Variants in TANC2 observed in about 807,000 individuals in gnomAD.
TANC2 encodes tetratricopeptide repeat, ankyrin repeat and coiled-coil containing 2.
TANC2 carries 26 observed loss-of-function variants against 210.5 expected under a neutral mutation model. The observed-to-expected ratio is 0.12, with a 90% confidence interval of 0.09 to 0.17. The LOEUF (loss-of-function observed/expected upper bound fraction) is 0.17, where lower values mean the gene tolerates loss of function less well. Ranked by LOEUF, TANC2 falls within the 10% of genes least tolerant of loss-of-function variation. The probability of loss-of-function intolerance (pLI) is 1.00; values close to 1 mark genes in which losing one functional copy is unlikely to be tolerated. For missense variants in TANC2, 2,129 were observed against 2,608.9 expected, an observed-to-expected ratio of 0.82 and a Z score of 4.01; for synonymous variants, 931 against 967.1, an observed-to-expected ratio of 0.96 and a Z score of 0.69.
intron 4 of TANC2, among the ~76,000 whole-genome samples, chr17:63,112,647 G>T (rs1567732168): frequency 6.6e-6 from 1 of 152,176 alleles, no homozygotes; most frequent in Non-Finnish European, 1.5e-5. Flanking sequence ...TTCTTCATAT[G>T]TACAGTGAAG....
rs985016506 is a variant in TANC2, at chr17:63,105,957, G to T, written c.322+6600G>T. On this transcript the variant is annotated intron_variant, in intron 4 of 27. Coordinates refer to ENST00000689528, the Ensembl canonical transcript of TANC2. ...TAACTGTTAGAGACCACATGTTTTT[G>T]TAAGGTTAAATGAGGAAATATATAC... Among the ~76,000 whole-genome samples the T allele has an allele frequency of 8.6e-5, 13 of 151,712 alleles. 1 individual carries two copies. The highest frequency in any genetic ancestry group is 5.9e-5 in the Non-Finnish European group (4 of 67,988).
intron 9 of TANC2, among the ~76,000 whole-genome samples, chr17:63,274,454 C>G (rs1313631032): frequency 6.6e-6 from 1 of 152,086 alleles, no homozygotes; most frequent in Non-Finnish European, 1.5e-5. Context: ...TTTCTAGTCC[C>G]AAAGCCTAAT....
chr17:63,245,617 C>T (rs764314658), intron 8 of TANC2, among the ~76,000 whole-genome samples: 6 of 151,636 alleles, frequency 4.0e-5, no homozygotes, highest in Admixed American at 2.6e-4. Context: ...CTGAGGCAGA[C>T]GAATCACGAG....
At chr17:63,110,447 A>G (rs1385316936) in intron 4 of TANC2, among the ~76,000 whole-genome samples, 8 of 151,710 alleles carry the variant, frequency 5.3e-5, no homozygotes, top group African/African-American at 1.7e-4. Flanking sequence ...AACCTCTGGG[A>G]CTGGGTAATT....
intron 2 of TANC2, among the ~76,000 whole-genome samples, chr17:63,059,611 A>T (rs185402150): frequency 0.021 from 3,074 of 148,092 alleles, 42 homozygotes; most frequent in South Asian, 0.038. Context: ...TCAAAGCTTG[A>T]TTTTTTTTTT....
At chr17:62,974,363 T>C (rs1257054337) in intron 1 of TANC2, among the ~76,000 whole-genome samples, 1 of 152,208 alleles carries the variant, frequency 6.6e-6, no homozygotes, top group Non-Finnish European at 1.5e-5. Context: ...TTTTCTTCGC[T>C]CACATCTCAG....
intron 14 of TANC2, among the ~76,000 whole-genome samples, chr17:63,379,244 G>A (rs541342904): frequency 1.9e-4 from 29 of 152,302 alleles, no homozygotes; most frequent in African/African-American, 6.7e-4. Context: ...ATAAGGAACT[G>A]CCTAGGAACC....
intron 3 of TANC2, among the ~76,000 whole-genome samples, chr17:63,097,572 A>T (rs894628488): frequency 7.1e-6 from 1 of 140,020 alleles, no homozygotes; most frequent in Admixed American, 7.0e-5. Context: ...AGCTTTAAAA[A>T]ATTGCAAAAA....
At chr17:63,001,447 A>G (rs1027075517) in intron 1 of TANC2, among the ~76,000 whole-genome samples, 2 of 151,800 alleles carry the variant, frequency 1.3e-5, no homozygotes, top group Non-Finnish European at 2.9e-5. Flanking sequence ...CATTCAAGAA[A>G]TGTTGAGAGC....
intron 1 of TANC2, among the ~76,000 whole-genome samples, chr17:62,996,260 A>AT (rs1355313418): frequency 3.9e-5 from 6 of 152,220 alleles, no homozygotes; most frequent in Non-Finnish European, 5.9e-5. Flanking sequence ...CCGTACTTCT[A>AT]TATTTGAGTC....
chr17:63,055,987 AAAAATATATATATATATATATATATATAT>A (rs2035780413), intron 2 of TANC2, among the ~76,000 whole-genome samples: 1 of 14,510 alleles, frequency 6.9e-5, no homozygotes, highest in Non-Finnish European at 1.5e-4. Context: ...AAAAAAAAAA[AAAAATATATATATATATATATATATATAT>A]ATATATATGC....
At chr17:63,060,262 T>C (rs994358351) in intron 2 of TANC2, among the ~76,000 whole-genome samples, 1 of 152,230 alleles carries the variant, frequency 6.6e-6, no homozygotes, top group Non-Finnish European at 1.5e-5. Context: ...CATTCACTTA[T>C]GGTTGTACTG....
intron 4 of TANC2, among the ~76,000 whole-genome samples, chr17:63,102,454 T>G (rs2144934652): frequency 6.6e-6 from 1 of 151,816 alleles, no homozygotes; most frequent in East Asian, 1.9e-4. Flanking sequence ...CTCTATTGTT[T>G]TTTCCTTTTT....
intron 5 of TANC2, chr17:63,155,128 T>A (rs1194048913): frequency 6.6e-6 from 1 of 152,064 alleles, no homozygotes; most frequent in Non-Finnish European, 1.5e-5. Context: ...TAAGAGCTTA[T>A]GTTCTGGAGT....
rs2048991273 is a variant in TANC2, at chr17:63,420,466, A to G, written c.4736A>G (p.Asn1579Ser). 6.2e-7 allele frequency: 1 copy of G among 1,613,800 alleles called. No homozygotes were observed. The highest frequency in any genetic ancestry group is 1.1e-5 in the South Asian group (1 of 91,054). ...CCTGCCCTTTCTCCAACTCATCAGA[A>G]CTCACATTACAGGCCTAGCCCACCA... The change falls in exon 28 of 28, where the codon AAC (asparagine) becomes AGC (serine). Residue 1579 changes from asparagine to serine, a missense_variant. By Grantham distance (46) the Asn-to-Ser change is conservative (BLOSUM62 1). Transcript: ENST00000689528. The surrounding 1 kb of genome is among the most constrained non-coding windows in gnomAD (Gnocchi z 4.2).
chr17:63,256,133 C>T (rs1164745030), intron 8 of TANC2, among the ~76,000 whole-genome samples: 3 of 151,938 alleles, frequency 2.0e-5, no homozygotes, highest in Admixed American at 6.6e-5. Flanking sequence ...CTCATAAACT[C>T]CTGACCTCAA....
chr17:63,227,869 A>G (rs1337193331), intron 7 of TANC2, among the ~76,000 whole-genome samples: 2 of 151,136 alleles, frequency 1.3e-5, no homozygotes, highest in Non-Finnish European at 3.0e-5. Flanking sequence ...TTTTTCATTT[A>G]TTTATTTTTT....
chr17:63,044,159 T>C (rs890393613), intron 2 of TANC2, among the ~76,000 whole-genome samples: 4 of 152,156 alleles, frequency 2.6e-5, no homozygotes, highest in Non-Finnish European at 5.9e-5. Flanking sequence ...CTTGGTTTTT[T>C]ACTGGTTCTC....
intron 21 of TANC2, among the ~76,000 whole-genome samples, chr17:63,408,923 G>A (rs1223989587): frequency 1.3e-5 from 2 of 152,162 alleles, no homozygotes; most frequent in Admixed American, 6.5e-5. Flanking sequence ...TAAATGATTC[G>A]CTTCTTACCA....
Sources: gnomAD v4.1 joint callset for allele counts (sites outside exome capture counted in the v4.1 genomes callset) on GRCh38, gnomAD v4.1.1 for gene constraint, Gnocchi (gnomAD v3.1) non-coding constraint, MANE v1.5 for transcripts, NCBI Gene and HGNC (gene_info 2026-07-23, HGNC 2026-07-21) for gene names.